SLC9A7: variants seen among roughly 807,000 people sequenced by gnomAD.
SLC9A7 encodes sodium/hydrogen exchanger 7.
SLC9A7 carries 19 observed loss-of-function variants against 52.6 expected under a neutral mutation model. The ratio of observed to expected loss-of-function variants is 0.36; its 90% CI spans 0.25 to 0.53. The LOEUF (loss-of-function observed/expected upper bound fraction) is 0.53. Ranked by LOEUF, SLC9A7 falls within the 20% of genes least tolerant of loss-of-function variation. The probability of loss-of-function intolerance (pLI) is 0.91; values close to 1 mark genes in which losing one functional copy is unlikely to be tolerated. For missense variants in SLC9A7, 455 were observed against 597.9 expected (o/e 0.76, Z 2.49); for synonymous variants, 226 against 252.1 (o/e 0.90, Z 0.98).
At chrX:46,657,426 G>A (rs1252398209) in intron 7 of SLC9A7, among the ~76,000 whole-genome samples, 4 of 110,398 alleles carry the variant, frequency 3.6e-5, no homozygotes, top group Non-Finnish European at 7.6e-5. Flanking sequence ...ACACAGACTG[G>A]CAAATTGGAT....
intron 1 of SLC9A7, among the ~76,000 whole-genome samples, chrX:46,734,183 A>C: frequency 9.0e-6 from 1 of 111,485 alleles, no homozygotes; most frequent in Non-Finnish European, 1.9e-5. Context: ...AGCTACTGTC[A>C]CATGTCACAA....
Position 46,606,466 on chromosome X carries a change from G to A in SLC9A7, c.*486C>T, listed in dbSNP as rs1336413633. 5.3e-6 allele frequency: 4 copies of A among 757,357 alleles called. No homozygotes were observed. The highest frequency in any genetic ancestry group is 6.2e-6 in the Non-Finnish European group (4 of 641,412). 62.4% of individuals were successfully genotyped at this position (757,357 alleles called of 1,213,427 possible). A position where few individuals can be genotyped will look rare whatever the true frequency, so the allele number is the denominator to read the frequency against. Reference sequence around the variant, plus strand: ...CAGAGCCTCCAAATTGCTTTTTCATGTTTTCTGTCCCATTTAACACCAAGT... The same window carrying A: ...CAGAGCCTCCAAATTGCTTTTTCATATTTTCTGTCCCATTTAACACCAAGT... On this transcript the variant is annotated 3_prime_UTR_variant, in exon 17 of 17. Transcript: ENST00000616978.
chrX:46,610,797 G>A (rs1447221194), intron 16 of SLC9A7, among the ~76,000 whole-genome samples: 1 of 112,352 alleles, frequency 8.9e-6, no homozygotes, highest in Non-Finnish European at 1.9e-5. Flanking sequence ...AGCTTACTGA[G>A]TTTATGCTGA....
chrX:46,631,751 C>T, intron 13 of SLC9A7, 102 bp from the exon 14 acceptor site: 1 of 619,059 alleles, frequency 1.6e-6, no homozygotes, highest in Non-Finnish European at 2.6e-6. Context: ...TAATCATCTT[C>T]CCGAAGCATA....
intron 11 of SLC9A7, among the ~76,000 whole-genome samples, chrX:46,646,405 G>T (rs1943493061): frequency 8.9e-6 from 1 of 111,879 alleles, no homozygotes; most frequent in African/African-American, 3.3e-5. Flanking sequence ...ATCTTGTCTA[G>T]ATTGTGTGAA....
intron 1 of SLC9A7, among the ~76,000 whole-genome samples, chrX:46,736,939 T>C (rs1945130844): frequency 8.9e-6 from 1 of 111,885 alleles, no homozygotes; most frequent in Non-Finnish European, 1.9e-5. Flanking sequence ...ATGCAGATAC[T>C]GTGAACCTGG....
chrX:46,630,618 T>C (rs1943205856), intron 14 of SLC9A7, among the ~76,000 whole-genome samples: 2 of 111,912 alleles, frequency 1.8e-5, no homozygotes, highest in Non-Finnish European at 3.8e-5. Flanking sequence ...CATGCTGACC[T>C]GGATAAAGAG....
At chrX:46,694,108 G>A (rs1944416750) in intron 1 of SLC9A7, among the ~76,000 whole-genome samples, 1 of 109,671 alleles carries the variant, frequency 9.1e-6, no homozygotes, top group African/African-American at 3.3e-5. Context: ...CACTACCTGG[G>A]TGCAATATAC....
At chrX:46,638,515 C>T (rs901602015) in intron 12 of SLC9A7, among the ~76,000 whole-genome samples, 2 of 111,422 alleles carry the variant, frequency 1.8e-5, no homozygotes, top group Non-Finnish European at 3.8e-5. Context: ...GCAAGACCGA[C>T]CAAAAACAGA....
intron 12 of SLC9A7, among the ~76,000 whole-genome samples, chrX:46,642,229 C>T (rs1943417189): frequency 8.9e-6 from 1 of 112,990 alleles, no homozygotes; most frequent in Admixed American, 9.3e-5. Context: ...AAGCTATGTA[C>T]GCTCTGCAGC....
intron 15 of SLC9A7, among the ~76,000 whole-genome samples, chrX:46,618,616 T>C (rs1942991010): frequency 8.9e-6 from 1 of 112,088 alleles, no homozygotes; most frequent in Non-Finnish European, 1.9e-5. Flanking sequence ...ATCAATACAT[T>C]GGATTAAGAC....
intron 4 of SLC9A7, among the ~76,000 whole-genome samples, chrX:46,670,695 A>G (rs1944005274): frequency 8.9e-6 from 1 of 112,263 alleles, no homozygotes; most frequent in Admixed American, 9.5e-5. Context: ...TAGAAGCAAA[A>G]GAACTATTCA....
intron 1 of SLC9A7, among the ~76,000 whole-genome samples, chrX:46,723,341 GAAAGA>G (rs965382293): frequency 1.1e-5 from 1 of 94,611 alleles, no homozygotes; most frequent in Non-Finnish European, 2.2e-5. Context: ...AAAAAAAACA[GAAAGA>G]AAAGAAAAGA....
chrX:46,631,118 G>A (rs950036262), intron 14 of SLC9A7, among the ~76,000 whole-genome samples: 2 of 112,467 alleles, frequency 1.8e-5, no homozygotes, highest in Non-Finnish European at 3.8e-5. Flanking sequence ...AAGGCAAGCC[G>A]TCCCTGCTAT....
At chrX:46,746,483 T>A (rs1015077588) in intron 1 of SLC9A7, among the ~76,000 whole-genome samples, 1 of 111,608 alleles carries the variant, frequency 9.0e-6, no homozygotes, top group Non-Finnish European at 1.9e-5. Context: ...AGCAAAAGAT[T>A]TAAATAAACA....
At chrX:46,664,673 T>A (rs945989373) in intron 5 of SLC9A7, among the ~76,000 whole-genome samples, 2 of 111,931 alleles carry the variant, frequency 1.8e-5, no homozygotes, top group Non-Finnish European at 1.9e-5. Context: ...CCTTTCCCTA[T>A]AATTTAATCA....
chrX:46,653,577 G>C, intron 8 of SLC9A7, 32 bp downstream of exon 8: 1 of 1,053,212 alleles, frequency 9.5e-7, no homozygotes, highest in Non-Finnish European at 1.3e-6. Context: ...TACAGTGAGG[G>C]GAAGGGTGGT....
intron 1 of SLC9A7, among the ~76,000 whole-genome samples, chrX:46,683,660 G>A (rs1050375864): frequency 2.7e-5 from 3 of 111,745 alleles, no homozygotes; most frequent in East Asian, 2.8e-4. Flanking sequence ...ACCTGAACAC[G>A]AGTCAGACAT....
chrX:46,729,341 T>C (rs757538832), intron 1 of SLC9A7, among the ~76,000 whole-genome samples: 35 of 112,612 alleles, frequency 3.1e-4, no homozygotes, highest in Non-Finnish European at 3.8e-5. Context: ...CTAGTCTTTG[T>C]AGAATTGTTT....
Sources: gnomAD v4.1 joint callset for allele counts (sites outside exome capture counted in the v4.1 genomes callset) on GRCh38, gnomAD v4.1.1 for gene constraint, MANE v1.5 for transcripts, NCBI Gene and HGNC (gene_info 2026-07-23, HGNC 2026-07-21) for gene names.